Variants in SLC28A3 observed in about 807,000 individuals in gnomAD.
SLC28A3 encodes the protein concentrative Na(+)-nucleoside cotransporter 3.
SLC28A3 carries 68 observed loss-of-function variants against 84.2 expected under a neutral mutation model. The ratio of observed to expected loss-of-function variants is 0.81; its 90% CI spans 0.66 to 0.99. The LOEUF (loss-of-function observed/expected upper bound fraction) is 0.99, where lower values mean the gene tolerates loss of function less well. SLC28A3 is among the 50% of genes least tolerant of loss of function. The pLI is 0.00. For synonymous variants in SLC28A3, 267 were observed against 303.6 expected (o/e 0.88, Z 1.25); for missense variants, 712 against 841.5 (o/e 0.85, Z 1.90).
chr9:84,355,203 A>G, the SLC28A3 span, among the ~76,000 whole-genome samples: 4 of 152,052 alleles, frequency 2.6e-5, no homozygotes, highest in African/African-American at 9.7e-5. Context: ...TAAAGATGTC[A>G]GGGCTGAGGC....
intron 6 of SLC28A3, 21 bp from the exon 7 acceptor site, chr9:84,298,040 A>T: frequency 6.3e-7 from 1 of 1,588,820 alleles, no homozygotes; most frequent in African/African-American, 1.4e-5. Context: ...AGATCAAGTG[A>T]TATGTCTTAG....
At chr9:84,292,294 A>ACAAT (rs1825255329) in intron 10 of SLC28A3, among the ~76,000 whole-genome samples, 1 of 152,220 alleles carries the variant, frequency 6.6e-6, no homozygotes, top group African/African-American at 2.4e-5. Context: ...CAGAAACCTC[A>ACAAT]CAATCACTAA....
the SLC28A3 span, among the ~76,000 whole-genome samples, chr9:84,349,719 C>T: frequency 3.3e-5 from 5 of 152,134 alleles, no homozygotes; most frequent in African/African-American, 7.2e-5. Flanking sequence ...GTTACCATTA[C>T]ATGTGGTTGA....
chr9:84,363,914 G>A, the SLC28A3 span, among the ~76,000 whole-genome samples: 1 of 151,976 alleles, frequency 6.6e-6, no homozygotes, highest in East Asian at 1.9e-4. Flanking sequence ...ACCAAAGTTT[G>A]TCTTTGATTT....
At chr9:84,282,860 G>A (rs1174793207) in intron 14 of SLC28A3, among the ~76,000 whole-genome samples, 1 of 152,160 alleles carries the variant, frequency 6.6e-6, no homozygotes, top group Non-Finnish European at 1.5e-5. Flanking sequence ...GATTTTTGTT[G>A]ATTCCAAGGC....
chr9:84,365,611 T>G, the SLC28A3 span, among the ~76,000 whole-genome samples: 1 of 152,252 alleles, frequency 6.6e-6, no homozygotes, highest in East Asian at 1.9e-4. Context: ...CAAACTTTTC[T>G]TGTAGTAGTT....
At chr9:84,285,615 C>G in intron 13 of SLC28A3, 73 bp from the exon 14 acceptor site, 1 of 1,457,518 alleles carries the variant, frequency 6.9e-7, no homozygotes, top group Non-Finnish European at 9.6e-7. Context: ...AGTGACAACA[C>G]TGTTCCTGAC....
At chr9:84,307,329 G>A (rs1220828505) in intron 3 of SLC28A3, among the ~76,000 whole-genome samples, 2 of 151,372 alleles carry the variant, frequency 1.3e-5, no homozygotes, top group East Asian at 3.9e-4. Context: ...TACTCGGGAG[G>A]CTAAGGCAGG....
At chr9:84,353,302 G>A in the SLC28A3 span, among the ~76,000 whole-genome samples, 1 of 152,168 alleles carries the variant, frequency 6.6e-6, no homozygotes, top group African/African-American at 2.4e-5. Context: ...ATATACTGGT[G>A]GAAGCTTGAG....
At chr9:84,342,506 G>A (rs1827184409), upstream of SLC28A3, among the ~76,000 whole-genome samples, 1 of 151,938 alleles carries the variant, frequency 6.6e-6, no homozygotes. Flanking sequence ...TTGACCTCCT[G>A]GGCTGAAGCT....
chr9:84,305,122 C>A lies in SLC28A3; in HGVS notation c.334+132G>T, dbSNP rs1036625721. On this transcript the variant is annotated intron_variant, in intron 4 of 17. Coordinates refer to ENST00000376238, the MANE Select transcript of SLC28A3 (RefSeq NM_001199633.2). Reference sequence around the variant, plus strand: ...GCTTCTTGATTTACTTCTCTACCACCCCCGATGATTCAGTGAGGTCCCAGA... The same window carrying A: ...GCTTCTTGATTTACTTCTCTACCACACCCGATGATTCAGTGAGGTCCCAGA... 213 of 745,178 alleles carry A rather than the reference C, an allele frequency of 2.9e-4. 1 individual carries two copies. Among genetic ancestry groups the A allele is most frequent in the Non-Finnish European group, 3.4e-4 (157 of 464,326 alleles). The allele number at this position is 745,178 out of a possible 1,614,324, so 46.2% of individuals were successfully genotyped here. A position where few individuals can be genotyped will look rare whatever the true frequency, so the allele number is the denominator to read the frequency against.
chr9:84,280,856 G>GTC lies in SLC28A3; in HGVS notation c.1673_1674insGA (p.Tyr558Ter), dbSNP rs762396296. The change falls in exon 15 of 18, where the codon TAC becomes TAGAC. Residue 558 changes from tyrosine (Y) to a stop codon, truncating the protein, a stop_gained and frameshift_variant. Coordinates refer to ENST00000376238, the MANE Select transcript of SLC28A3 (RefSeq NM_001199633.2). LOFTEE classifies it high-confidence loss of function. ...ISIRSEIIAT[Y>*]ALCGFANIGS... ...CGATATTGGCAAAACCACAGAGAGC[G>GTC]TAAGTGGCGATTATCTCAGAACGAA... is the stretch of plus-strand genomic sequence containing the variant. 1 of 1,613,928 alleles carries GTC rather than the reference G, an allele frequency of 6.2e-7. No homozygotes were observed. The highest frequency in any genetic ancestry group is 8.5e-7 in the Non-Finnish European group (1 of 1,180,008).
intron 1 of SLC28A3, among the ~76,000 whole-genome samples, chr9:84,319,291 AGTTAAATT>A (rs1826281749): frequency 6.6e-6 from 1 of 152,230 alleles, no homozygotes; most frequent in East Asian, 1.9e-4. Flanking sequence ...AAAAGGCCTG[AGTTAAATT>A]GTTCCAAATG....
chr9:84,339,905 A>T (rs1294693987), intron 1 of SLC28A3, among the ~76,000 whole-genome samples: 3 of 152,120 alleles, frequency 2.0e-5, no homozygotes, highest in African/African-American at 7.2e-5. Flanking sequence ...GGGATTGTTG[A>T]CACTTGCCGG....
At chr9:84,314,960 C>T (rs543672392) in intron 1 of SLC28A3, among the ~76,000 whole-genome samples, 11 of 152,220 alleles carry the variant, frequency 7.2e-5, no homozygotes, top group Admixed American at 3.9e-4. Flanking sequence ...GCTTGTAATC[C>T]CAACTACTTG....
intron 1 of SLC28A3, 82 bp from the exon 2 acceptor site, chr9:84,313,536 T>C: frequency 5.4e-6 from 6 of 1,115,828 alleles, no homozygotes; most frequent in Non-Finnish European, 6.6e-6. Flanking sequence ...CCTAGAGGAA[T>C]TTGGAGGATG....
chr9:84,278,405 C>G, intron 17 of SLC28A3, 61 bp from the exon 18 acceptor site: 1 of 1,595,988 alleles, frequency 6.3e-7, no homozygotes, highest in South Asian at 1.1e-5. Context: ...AGTAGGTGAG[C>G]AGACAATGAC....
chr9:84,287,381 A>G (rs1008316694), intron 12 of SLC28A3, among the ~76,000 whole-genome samples: 9 of 148,786 alleles, frequency 6.0e-5, no homozygotes, highest in Admixed American at 5.3e-4. Context: ...AGTCTTTTCC[A>G]CTCTGTTTTT....
At chr9:84,326,697 T>C (rs372071171) in intron 1 of SLC28A3, among the ~76,000 whole-genome samples, 6 of 151,908 alleles carry the variant, frequency 3.9e-5, no homozygotes, top group African/African-American at 1.4e-4. Context: ...GGTCTTACTC[T>C]CTGTTCAATC....
Sources: gnomAD v4.1 joint callset for allele counts (sites outside exome capture counted in the v4.1 genomes callset) on GRCh38, gnomAD v4.1.1 for gene constraint, MANE v1.5 for transcripts, NCBI Gene and HGNC (gene_info 2026-07-23, HGNC 2026-07-21) for gene names.